The following FRMD4A variants were observed in gnomAD, a reference collection of about 807,000 sequenced individuals.
The protein encoded by FRMD4A is FERM domain containing 4A, also known as FERM domain-containing protein 4A.
In FRMD4A, 29 loss-of-function variants were observed where a neutral mutation model predicts 129.1. The ratio of observed to expected loss-of-function variants is 0.22; its 90% confidence interval spans 0.17 to 0.31. FRMD4A has a LOEUF of 0.31. Among genes scored for constraint, FRMD4A ranks in the 10% least tolerant of loss-of-function variants. The pLI is 1.00. For missense variants in FRMD4A, 1,272 were observed against 1,375.8 expected, an observed-to-expected ratio of 0.92 and a Z score of 1.19; for synonymous variants, 634 against 571.6, an observed-to-expected ratio of 1.11 and a Z score of -1.56.
intron 2 of FRMD4A, among the ~76,000 whole-genome samples, chr10:13,886,281 C>T (rs974319534): frequency 1.4e-5 from 2 of 148,116 alleles, no homozygotes; most frequent in Admixed American, 1.4e-4. Flanking sequence ...AAGGCAAAAA[C>T]CCTGCAAAGA....
chr10:14,323,042 G>A (rs1361773280), intron 2 of FRMD4A, among the ~76,000 whole-genome samples: 4 of 152,162 alleles, frequency 2.6e-5, no homozygotes, highest in Non-Finnish European at 4.4e-5. Flanking sequence ...TTCAAGATAG[G>A]AATGCAAATT....
chr10:13,780,051 C>G (rs1226765807), intron 6 of FRMD4A, among the ~76,000 whole-genome samples: 1 of 152,042 alleles, frequency 6.6e-6, no homozygotes, highest in African/African-American at 2.4e-5. Context: ...TAGGGCCGGG[C>G]AAGGTGGCTC....
intron 6 of FRMD4A, among the ~76,000 whole-genome samples, chr10:13,782,377 A>G (rs1424066779): frequency 2.6e-5 from 4 of 151,996 alleles, no homozygotes; most frequent in Non-Finnish European, 2.9e-5. Context: ...AGGTTAGGAA[A>G]CATGTCCACA....
chr10:14,228,761 CT>C (rs1322643951), intron 2 of FRMD4A, among the ~76,000 whole-genome samples: 182 of 144,726 alleles, frequency 1.3e-3, no homozygotes, highest in African/African-American at 2.1e-3. Flanking sequence ...TATTTGTTTG[CT>C]TTTTTTTTTT....
intron 2 of FRMD4A, among the ~76,000 whole-genome samples, chr10:14,089,208 C>T (rs969614919): frequency 6.6e-6 from 1 of 152,196 alleles, no homozygotes; most frequent in Admixed American, 6.5e-5. Context: ...CTGACTGTAC[C>T]TGTTTTCCCA....
intron 18 of FRMD4A, among the ~76,000 whole-genome samples, chr10:13,665,231 G>T (rs890784872): frequency 6.6e-6 from 1 of 151,880 alleles, no homozygotes; most frequent in Non-Finnish European, 1.5e-5. Context: ...CCATTGTTGC[G>T]TAACCGTCAC....
Position 13,811,138 on chromosome 10 carries a change from T to C in FRMD4A, c.112-230A>G, listed in dbSNP as rs896508688. Among the ~76,000 whole-genome samples the C allele has an allele frequency of 5.7e-3, 842 of 147,178 alleles. 1 individual carries two copies. The highest frequency in any genetic ancestry group is 8.6e-3 in the Non-Finnish European group (569 of 66,436). On this transcript the variant is annotated intron_variant, in intron 3 of 24. Transcript: ENST00000357447. ...CTTCTGTTTTGTTTCCTAGAAGGGT[T>C]TTTTTTTTTTTAATTGAGATGGAGT...
intron 2 of FRMD4A, among the ~76,000 whole-genome samples, chr10:14,246,755 A>G (rs899804965): frequency 1.3e-5 from 2 of 152,186 alleles, no homozygotes; most frequent in Admixed American, 6.5e-5. Flanking sequence ...AAAGCAAGAA[A>G]GGGAGGTTAG....
intron 15 of FRMD4A, chr10:13,685,279 C>T: frequency 1.0e-6 from 1 of 985,372 alleles, no homozygotes; most frequent in South Asian, 4.7e-5. Flanking sequence ...GGCTGGGAGT[C>T]TCTGGAAGAG....
chr10:13,658,132 TAAAAAAA>T (rs565374030), intron 21 of FRMD4A, among the ~76,000 whole-genome samples: 175 of 81,276 alleles, frequency 2.2e-3, no homozygotes, highest in Middle Eastern at 0.012. Flanking sequence ...CTGTCTCTCT[TAAAAAAA>T]AAAAAAAAAA....
chr10:14,271,450 T>C lies in FRMD4A; in HGVS notation c.45+58608A>G, dbSNP rs183875636. Among the ~76,000 whole-genome samples the C allele has an allele frequency of 2.7e-3, 417 of 152,292 alleles. 2 individuals are homozygous for C. The highest frequency in any genetic ancestry group is 8.9e-3 in the African/African-American group (368 of 41,566). On this transcript the variant is annotated intron_variant, in intron 2 of 24. Coordinates refer to ENST00000357447, the MANE Select transcript of FRMD4A (RefSeq NM_018027.5). The stretch of plus-strand genomic sequence containing the variant: ...CCACATTCACACTGGGACATGAACC[T>C]CACATGCATATCTTTGGGATGTGTG...
chr10:13,916,218 C>T (rs1589261310), intron 2 of FRMD4A, among the ~76,000 whole-genome samples: 2 of 152,210 alleles, frequency 1.3e-5, no homozygotes, highest in South Asian at 4.1e-4. Context: ...GGAAGGGTCT[C>T]AGGGAGCCCC....
intron 4 of FRMD4A, among the ~76,000 whole-genome samples, chr10:13,802,884 T>C (rs903789947): frequency 3.3e-5 from 5 of 152,088 alleles, no homozygotes; most frequent in African/African-American, 1.2e-4. Context: ...TGTGTGTTCA[T>C]CAAGGACAGA....
intron 2 of FRMD4A, among the ~76,000 whole-genome samples, chr10:13,893,333 C>T (rs1476647390): frequency 1.3e-5 from 2 of 152,136 alleles, no homozygotes; most frequent in Non-Finnish European, 2.9e-5. Flanking sequence ...TCAGGTACCT[C>T]TCTAAAGTCT....
chr10:13,875,910 G>A (rs12779485), intron 2 of FRMD4A, among the ~76,000 whole-genome samples: 7,919 of 152,280 alleles, frequency 0.052, 230 homozygotes, highest in South Asian at 0.073. Context: ...GGGTTCGGGG[G>A]AACTTGCTAA....
chr10:13,884,154 T>TCACACACACACACA (rs1564970810), intron 2 of FRMD4A, among the ~76,000 whole-genome samples: 1 of 111,158 alleles, frequency 9.0e-6, no homozygotes, highest in South Asian at 3.5e-4. Flanking sequence ...TCTCACACAC[T>TCACACACACACACA]CTCACACACA....
intron 12 of FRMD4A, among the ~76,000 whole-genome samples, chr10:13,718,677 A>G (rs552200856): frequency 6.6e-6 from 1 of 152,358 alleles, no homozygotes; most frequent in Admixed American, 6.5e-5. Context: ...ATTGTGGGGA[A>G]GAGGAGGGGC....
intron 2 of FRMD4A, among the ~76,000 whole-genome samples, chr10:14,226,503 A>T (rs1843441031): frequency 6.6e-6 from 1 of 152,194 alleles, no homozygotes; most frequent in South Asian, 2.1e-4. Context: ...TGCAAAAGCA[A>T]GGTTTTGGTA....
At chr10:13,706,390 C>A (rs985033867) in intron 13 of FRMD4A, among the ~76,000 whole-genome samples, 3 of 152,148 alleles carry the variant, frequency 2.0e-5, no homozygotes, top group Non-Finnish European at 4.4e-5. Context: ...TGCATTCCAA[C>A]CTGGGGCCCC....
Sources: gnomAD v4.1 joint callset for allele counts (sites outside exome capture counted in the v4.1 genomes callset) on GRCh38, gnomAD v4.1.1 for gene constraint, MANE v1.5 for transcripts, NCBI Gene and HGNC (gene_info 2026-07-23, HGNC 2026-07-21) for gene names.